PCDHA2: variants seen among roughly 807,000 people sequenced by gnomAD.
The protein encoded by PCDHA2 is protocadherin alpha 2, also known as protocadherin alpha-2.
Under a neutral mutation model 66.0 loss-of-function variants are expected in PCDHA2, and 58 were observed. That is an observed-to-expected ratio of 0.88 (90% CI 0.71 to 1.09). The LOEUF is 1.09. Among genes scored for constraint, PCDHA2 ranks in the 50% least tolerant of loss-of-function variants. PCDHA2 has a pLI of 0.00. For missense variants in PCDHA2, 1,267 were observed against 1,242.3 expected (o/e 1.02, Z -0.30); for synonymous variants, 634 against 554.0 (o/e 1.14, Z -2.03).
Position 141,010,415 on chromosome 5 carries a change from C to T in PCDHA2, c.*478C>T. ...ACGAGCCAGCTTAGACTAATTGGTA[C>T]AAGGAAGGCAAGAAAACAAAGACAA... On this transcript the variant is annotated 3_prime_UTR_variant, in exon 4 of 4. Transcript: ENST00000526136. 1 of 1,160,734 alleles carries T rather than the reference C, an allele frequency of 8.6e-7. No homozygotes were observed. 71.9% of individuals were successfully genotyped at this position (1,160,734 alleles called of 1,614,324 possible).
chr5:140,809,166 C>A, intron 1 of PCDHA2: 2 of 1,613,942 alleles, frequency 1.2e-6, no homozygotes, highest in Non-Finnish European at 1.7e-6. Context: ...CCCGCGCTGA[C>A]GGCCACGGCC....
rs782433046 is a variant in PCDHA2, at chr5:140,808,275, C to T, written c.2388+10923C>T. 23 of 1,614,138 alleles carry T rather than the reference C, an allele frequency of 1.4e-5. No homozygotes were observed. The Admixed American group carries it at 3.8e-4, about 27-fold the overall frequency. On this transcript the variant is annotated intron_variant, in intron 1 of 3. Transcript: ENST00000526136. ...TTATCACTTCCAATTAGAGAGGACG[C>T]TCCACTGGGTACAGTCATCGCCCTG...
At chr5:140,968,657 G>C in intron 1 of PCDHA2, 1 of 1,614,142 alleles carries the variant, frequency 6.2e-7, no homozygotes, top group Non-Finnish European at 8.5e-7. Context: ...TTCTGACCTG[G>C]ACCTCTTTAA....
At chr5:140,909,505 G>A (rs2074548695) in intron 1 of PCDHA2, among the ~76,000 whole-genome samples, 1 of 152,168 alleles carries the variant, frequency 6.6e-6, no homozygotes. Flanking sequence ...GGATGTGGTG[G>A]GAATCACAAC....
intron 1 of PCDHA2, among the ~76,000 whole-genome samples, chr5:140,976,868 CAAAG>C (rs1397427113): frequency 6.6e-5 from 10 of 152,120 alleles, no homozygotes; most frequent in African/African-American, 1.2e-4. Flanking sequence ...TACTGTCTGA[CAAAG>C]AAAGAATTAG....
chr5:140,969,863 C>G (rs1305470999), intron 1 of PCDHA2, among the ~76,000 whole-genome samples: 2 of 152,156 alleles, frequency 1.3e-5, no homozygotes, highest in Non-Finnish European at 2.9e-5. Context: ...CTGGTACTTG[C>G]ACTGAACCTA....
chr5:140,857,826 T>G, intron 1 of PCDHA2: 1 of 1,597,464 alleles, frequency 6.3e-7, no homozygotes, highest in Non-Finnish European at 8.6e-7. Context: ...GTGGCTAAGG[T>G]GCGCGCAGTG....
intron 1 of PCDHA2, chr5:140,801,880 T>TA: frequency 6.2e-7 from 1 of 1,614,148 alleles, no homozygotes; most frequent in Non-Finnish European, 8.5e-7. Context: ...ACGACTCAAC[T>TA]AAAGATCACT....
At chr5:140,801,033 T>A (rs1581639321) in intron 1 of PCDHA2, 2 of 1,428,590 alleles carry the variant, frequency 1.4e-6, no homozygotes, top group East Asian at 5.0e-5. Flanking sequence ...AAGGTCTTTC[T>A]CCACAAAAGA....
intron 1 of PCDHA2, among the ~76,000 whole-genome samples, chr5:140,944,007 C>T (rs1181625750): frequency 1.3e-5 from 2 of 152,046 alleles, no homozygotes; most frequent in Non-Finnish European, 2.9e-5. Flanking sequence ...TGAGTACCCC[C>T]CAAAAGCAAT....
chr5:140,851,517 A>T, intron 1 of PCDHA2: 3 of 904,862 alleles, frequency 3.3e-6, no homozygotes, highest in Non-Finnish European at 4.0e-6. Context: ...AATATGTTTT[A>T]AAATGCCTGA....
chr5:140,802,742 C>A, intron 1 of PCDHA2: 1 of 1,612,572 alleles, frequency 6.2e-7, no homozygotes, highest in Non-Finnish European at 8.5e-7. Context: ...CGGAGAGCGG[C>A]AAGGTGTACG....
intron 1 of PCDHA2, chr5:140,829,485 A>G (rs2150168670): frequency 1.9e-6 from 3 of 1,613,760 alleles, no homozygotes; most frequent in Non-Finnish European, 1.7e-6. Context: ...GTGTTCGTGA[A>G]GGAGAACAAC....
intron 1 of PCDHA2, among the ~76,000 whole-genome samples, chr5:140,952,668 T>C (rs960968372): frequency 6.6e-6 from 1 of 152,234 alleles, no homozygotes. Context: ...CAAAGTCACT[T>C]TCACATTTTC....
At chr5:140,810,005 T>G (rs1764586388) in intron 1 of PCDHA2, 1 of 155,840 alleles carries the variant, frequency 6.4e-6, no homozygotes, top group Non-Finnish European at 1.4e-5. Flanking sequence ...ACTTCCCTTA[T>G]TTTTCCTCCA....
chr5:140,995,918 G>A (rs1303145667), intron 3 of PCDHA2, among the ~76,000 whole-genome samples: 1 of 152,180 alleles, frequency 6.6e-6, no homozygotes, highest in Non-Finnish European at 1.5e-5. Flanking sequence ...GAGACCATAG[G>A]CTGTTGTAAG....
intron 1 of PCDHA2, among the ~76,000 whole-genome samples, chr5:140,940,147 GT>G (rs1459512201): frequency 6.6e-6 from 1 of 152,082 alleles, no homozygotes; most frequent in African/African-American, 2.4e-5. Flanking sequence ...AACTATTATA[GT>G]TTTTGTTTGC....
intron 1 of PCDHA2, chr5:140,809,310 C>G: frequency 6.2e-7 from 1 of 1,614,106 alleles, no homozygotes; most frequent in Non-Finnish European, 8.5e-7. Context: ...TGCGCGGTGT[C>G]CAGCCTTTTG....
chr5:140,905,947 C>T (rs1210025825), intron 1 of PCDHA2, among the ~76,000 whole-genome samples: 7 of 152,124 alleles, frequency 4.6e-5, no homozygotes, highest in African/African-American at 9.7e-5. Context: ...ACTTGGAATC[C>T]GATGTTCAAG....
Sources: allele counts gnomAD v4.1 joint callset (sites outside exome capture counted in the v4.1 genomes callset), GRCh38; gene constraint gnomAD v4.1.1; transcripts MANE v1.5; gene names NCBI Gene and HGNC (gene_info 2026-07-23, HGNC 2026-07-21).